Variants in KCNQ5 observed in about 807,000 individuals in gnomAD.
KCNQ5 encodes potassium voltage-gated channel subfamily Q member 5.
In KCNQ5, 30 loss-of-function variants were observed where a neutral mutation model predicts 98.2. The observed-to-expected ratio is 0.31, with a 90% CI of 0.23 to 0.41. The LOEUF is 0.41. Ranked by LOEUF, KCNQ5 falls within the 10% of genes least tolerant of loss-of-function variation. The pLI is 1.00. For missense variants in KCNQ5, 835 were observed against 1,182.5 expected, an observed-to-expected ratio of 0.71 and a Z score of 4.31; for synonymous variants, 458 against 449.4, an observed-to-expected ratio of 1.02 and a Z score of -0.24.
chr6:73,081,931 C>G (rs902510126), intron 5 of KCNQ5, among the ~76,000 whole-genome samples: 10 of 152,206 alleles, frequency 6.6e-5, no homozygotes, highest in Admixed American at 2.6e-4. Flanking sequence ...AAGGTGCCCC[C>G]ACTCCACCTC....
chr6:72,801,032 A>G (rs1225081786), intron 1 of KCNQ5, among the ~76,000 whole-genome samples: 1 of 151,444 alleles, frequency 6.6e-6, no homozygotes, highest in Non-Finnish European at 1.5e-5. Flanking sequence ...TGCTGAGGAG[A>G]GCTTTACTTC....
At chr6:72,939,774 A>G (rs1223149640) in intron 1 of KCNQ5, among the ~76,000 whole-genome samples, 1 of 152,292 alleles carries the variant, frequency 6.6e-6, no homozygotes, top group East Asian at 1.9e-4. Context: ...CTACCTACAC[A>G]TCTCCCAACT....
intron 1 of KCNQ5, among the ~76,000 whole-genome samples, chr6:72,636,679 C>A (rs1439823731): frequency 6.6e-6 from 1 of 152,086 alleles, no homozygotes; most frequent in Non-Finnish European, 1.5e-5. Context: ...TGTTTAATAA[C>A]CTGACCTCTT....
At chr6:73,106,479 C>T (rs1328751527) in intron 6 of KCNQ5, among the ~76,000 whole-genome samples, 2 of 152,264 alleles carry the variant, frequency 1.3e-5, no homozygotes, top group Admixed American at 6.5e-5. Context: ...CAAGACTGGA[C>T]GTCCAAAATC....
chr6:72,701,515 T>C (rs1167426239), intron 1 of KCNQ5, among the ~76,000 whole-genome samples: 1 of 152,208 alleles, frequency 6.6e-6, no homozygotes, highest in African/African-American at 2.4e-5. Context: ...AGTTATTTTG[T>C]AATCCATGCA....
At chr6:72,634,032 A>G (rs1206350352) in intron 1 of KCNQ5, among the ~76,000 whole-genome samples, 1 of 152,212 alleles carries the variant, frequency 6.6e-6, no homozygotes, top group Non-Finnish European at 1.5e-5. Flanking sequence ...AGAATTGACA[A>G]GTGGGACCTA....
intron 1 of KCNQ5, among the ~76,000 whole-genome samples, chr6:72,916,032 G>T (rs568555031): frequency 6.6e-6 from 1 of 152,206 alleles, no homozygotes; most frequent in Admixed American, 6.5e-5. Context: ...AGGCAGCTTT[G>T]GTTTTTATCT....
At chr6:72,922,066 A>C (rs1253724688) in intron 1 of KCNQ5, among the ~76,000 whole-genome samples, 1 of 152,116 alleles carries the variant, frequency 6.6e-6, no homozygotes, top group African/African-American at 2.4e-5. Flanking sequence ...CTAGCAATTC[A>C]CTCAAACGAT....
chr6:72,983,725 C>T (rs560284585), intron 1 of KCNQ5, among the ~76,000 whole-genome samples: 15 of 152,268 alleles, frequency 9.9e-5, no homozygotes, highest in South Asian at 4.1e-4. Flanking sequence ...GCTGGTGAGG[C>T]GCTGCGATCC....
At chr6:72,825,767 A>T (rs940846732) in intron 1 of KCNQ5, among the ~76,000 whole-genome samples, 4 of 152,116 alleles carry the variant, frequency 2.6e-5, no homozygotes, top group African/African-American at 7.2e-5. Flanking sequence ...CTGTTTGTCT[A>T]CCCACACTAG....
chr6:73,092,934 T>C (rs61218271), intron 5 of KCNQ5, among the ~76,000 whole-genome samples: 4,777 of 152,194 alleles, frequency 0.031, 274 homozygotes, highest in African/African-American at 0.11. Context: ...ATAGAATGAA[T>C]TGGGGAGGGT....
chr6:72,858,577 C>T (rs1777626205), intron 1 of KCNQ5, among the ~76,000 whole-genome samples: 1 of 148,380 alleles, frequency 6.7e-6, no homozygotes, highest in African/African-American at 2.5e-5. Context: ...GCTCTCCAAC[C>T]CTCATATTTA....
chr6:73,035,746 G>C (rs948496115), intron 2 of KCNQ5, among the ~76,000 whole-genome samples: 1 of 152,076 alleles, frequency 6.6e-6, no homozygotes, highest in African/African-American at 2.4e-5. Flanking sequence ...TTCCTCTTAC[G>C]AGTCTATCCC....
chr6:72,680,965 T>G (rs1256952920), intron 1 of KCNQ5, among the ~76,000 whole-genome samples: 1 of 152,206 alleles, frequency 6.6e-6, no homozygotes, highest in Non-Finnish European at 1.5e-5. Flanking sequence ...AGCACTAGAC[T>G]GCAATTACTT....
chr6:73,094,573 G>A (rs10755307), intron 5 of KCNQ5, among the ~76,000 whole-genome samples: 132,954 of 152,136 alleles, frequency 0.87, 58,764 homozygotes, highest in South Asian at 0.96. Context: ...GATTTGTTTC[G>A]AGATTTAGAG....
intron 2 of KCNQ5, among the ~76,000 whole-genome samples, chr6:73,035,155 C>G (rs550611243): frequency 3.3e-5 from 5 of 152,114 alleles, no homozygotes; most frequent in African/African-American, 1.2e-4. Context: ...ACCACTGCCT[C>G]TTAGGCTTCT....
At chr6:73,082,201 C>T (rs902626065) in intron 5 of KCNQ5, among the ~76,000 whole-genome samples, 5 of 152,178 alleles carry the variant, frequency 3.3e-5, no homozygotes, top group East Asian at 1.9e-4. Context: ...GATCCTCATC[C>T]GCCTTGTTAC....
At chr6:72,701,891 G>T (rs1474154329) in intron 1 of KCNQ5, among the ~76,000 whole-genome samples, 3 of 151,794 alleles carry the variant, frequency 2.0e-5, no homozygotes, top group Non-Finnish European at 2.9e-5. Flanking sequence ...ACAGGGTTTT[G>T]CCATGTTGCC....
At chr6:72,837,628 AC>A (rs1034949907) in intron 1 of KCNQ5, among the ~76,000 whole-genome samples, 3 of 152,208 alleles carry the variant, frequency 2.0e-5, no homozygotes, top group African/African-American at 7.2e-5. Flanking sequence ...TAAATGAAGG[AC>A]TTTCTTCTCA....
Sources: allele counts gnomAD v4.1 joint callset (sites outside exome capture counted in the v4.1 genomes callset), GRCh38; gene constraint gnomAD v4.1.1; transcripts MANE v1.5; gene names NCBI Gene and HGNC (gene_info 2026-07-23, HGNC 2026-07-21).